PAK5: variants seen among roughly 807,000 people sequenced by gnomAD.
PAK5 encodes the protein serine/threonine-protein kinase PAK 5.
PAK5 carries 16 observed loss-of-function variants against 65.9 expected under a neutral mutation model. The ratio of observed to expected loss-of-function variants is 0.24; its 90% confidence interval spans 0.16 to 0.37. The LOEUF is 0.37. Ranked by LOEUF, PAK5 falls within the 10% of genes least tolerant of loss-of-function variation. The pLI, the probability that PAK5 is intolerant of heterozygous loss-of-function variation, is 1.00. For synonymous variants in PAK5, 371 were observed against 354.9 expected, an observed-to-expected ratio of 1.05 and a Z score of -0.51; for missense variants, 785 against 903.9, an observed-to-expected ratio of 0.87 and a Z score of 1.69.
At chr20:9,744,757 C>T (rs2048487520) in intron 1 of PAK5, among the ~76,000 whole-genome samples, 1 of 152,190 alleles carries the variant, frequency 6.6e-6, no homozygotes, top group Admixed American at 6.6e-5. Context: ...TCTCCTCTTG[C>T]CTTTGGGGTA....
chr20:9,627,968 T>C (rs1379155546), intron 3 of PAK5, among the ~76,000 whole-genome samples: 1 of 152,222 alleles, frequency 6.6e-6, no homozygotes, highest in Non-Finnish European at 1.5e-5. Context: ...CTCACACTTG[T>C]ACGGTTTAGA....
At chr20:9,710,693 A>G (rs1006674381) in intron 2 of PAK5, among the ~76,000 whole-genome samples, 2 of 152,016 alleles carry the variant, frequency 1.3e-5, no homozygotes, top group Non-Finnish European at 2.9e-5. Flanking sequence ...TTTAAAAAAT[A>G]TAAATTCTTT....
intron 1 of PAK5, among the ~76,000 whole-genome samples, chr20:9,730,165 TAA>T (rs1237800029): frequency 6.6e-6 from 1 of 151,846 alleles, no homozygotes; most frequent in Non-Finnish European, 1.5e-5. Context: ...TTAAAATATT[TAA>T]GATTATTTTT....
intron 2 of PAK5, among the ~76,000 whole-genome samples, chr20:9,692,721 T>A (rs1482831366): frequency 6.6e-6 from 1 of 152,156 alleles, no homozygotes; most frequent in Non-Finnish European, 1.5e-5. Context: ...TTAAAAGATT[T>A]AGGCATGGTC....
intron 3 of PAK5, among the ~76,000 whole-genome samples, chr20:9,618,947 T>TTTTTTTTTTTC: frequency 7.4e-6 from 1 of 134,672 alleles, no homozygotes; most frequent in Admixed American, 7.5e-5. Flanking sequence ...TTTTTTTTTT[T>TTTTTTTTTTTC]TTAATCTCAC....
intron 1 of PAK5, among the ~76,000 whole-genome samples, chr20:9,823,896 T>G (rs1471033304): frequency 1.3e-5 from 2 of 152,262 alleles, no homozygotes; most frequent in South Asian, 2.1e-4. Context: ...TACCTTTTTT[T>G]TGTGCTTGTA....
At chr20:9,545,443 AG>A (rs1205314550) in intron 7 of PAK5, among the ~76,000 whole-genome samples, 1 of 152,246 alleles carries the variant, frequency 6.6e-6, no homozygotes, top group African/African-American at 2.4e-5. Flanking sequence ...TGGTGATAAT[AG>A]AACACAAAAG....
chr20:9,629,717 C>A (rs2046897348), intron 3 of PAK5, among the ~76,000 whole-genome samples: 1 of 152,196 alleles, frequency 6.6e-6, no homozygotes, highest in South Asian at 2.1e-4. Flanking sequence ...AAGTCCATAT[C>A]TTTAAACAAT....
intron 1 of PAK5, among the ~76,000 whole-genome samples, chr20:9,794,275 A>G (rs1265236785): frequency 2.0e-5 from 3 of 152,080 alleles, no homozygotes; most frequent in Admixed American, 2.0e-4. Flanking sequence ...GCAAACCACT[A>G]TGGCACATAT....
chr20:9,755,547 A>G (rs756101756), intron 1 of PAK5, among the ~76,000 whole-genome samples: 3 of 152,194 alleles, frequency 2.0e-5, no homozygotes, highest in Non-Finnish European at 4.4e-5. Flanking sequence ...GACACAAACC[A>G]TGATTCAGCC....
At chr20:9,642,631 T>C (rs1448572038) in intron 3 of PAK5, among the ~76,000 whole-genome samples, 1 of 152,250 alleles carries the variant, frequency 6.6e-6, no homozygotes, top group Non-Finnish European at 1.5e-5. Flanking sequence ...CCTTATTATA[T>C]GATCATTAGT....
At chr20:9,595,008 C>T (rs2046237776) in intron 3 of PAK5, among the ~76,000 whole-genome samples, 1 of 151,634 alleles carries the variant, frequency 6.6e-6, no homozygotes, top group Non-Finnish European at 1.5e-5. Context: ...TATACACATA[C>T]ATTTAGATAT....
chr20:9,804,715 T>C (rs1157674155), intron 1 of PAK5, among the ~76,000 whole-genome samples: 2 of 152,104 alleles, frequency 1.3e-5, no homozygotes, highest in Non-Finnish European at 2.9e-5. Flanking sequence ...ATGATAACTT[T>C]GGCTTCATCA....
chr20:9,772,882 C>A (rs1386754721), intron 1 of PAK5, among the ~76,000 whole-genome samples: 1 of 152,308 alleles, frequency 6.6e-6, no homozygotes, highest in East Asian at 1.9e-4. Context: ...GACCCTCAAC[C>A]AATGAAGGGC....
intron 2 of PAK5, among the ~76,000 whole-genome samples, chr20:9,671,111 C>G (rs2047490514): frequency 6.6e-6 from 1 of 152,114 alleles, no homozygotes; most frequent in African/African-American, 2.4e-5. Flanking sequence ...TCTGAGGGCT[C>G]TGTTCTGTTC....
intron 7 of PAK5, among the ~76,000 whole-genome samples, chr20:9,552,880 C>A (rs542146553): frequency 6.6e-6 from 1 of 151,986 alleles, no homozygotes; most frequent in East Asian, 1.9e-4. Context: ...GCCACCATAT[C>A]CAGCTAATTT....
intron 5 of PAK5, among the ~76,000 whole-genome samples, chr20:9,565,066 A>C (rs556921062): frequency 2.9e-4 from 44 of 151,938 alleles, no homozygotes; most frequent in Non-Finnish European, 6.2e-4. Flanking sequence ...ATATGATAGA[A>C]GATTATAAGG....
At chr20:9,712,629 C>T (rs2043144896) in intron 1 of PAK5, among the ~76,000 whole-genome samples, 1 of 152,096 alleles carries the variant, frequency 6.6e-6, no homozygotes. Flanking sequence ...TACTACAAAG[C>T]TATAGTAACC....
intron 2 of PAK5, among the ~76,000 whole-genome samples, chr20:9,679,695 A>T (rs1046611545): frequency 1.3e-5 from 2 of 152,198 alleles, no homozygotes; most frequent in East Asian, 3.9e-4. Flanking sequence ...AGTTTCAAGG[A>T]CAATCTCTGA....
Sources: gnomAD v4.1 joint callset for allele counts (sites outside exome capture counted in the v4.1 genomes callset) on GRCh38, gnomAD v4.1.1 for gene constraint, MANE v1.5 for transcripts, NCBI Gene and HGNC (gene_info 2026-07-23, HGNC 2026-07-21) for gene names.